PLOD2: variants seen among roughly 807,000 people sequenced by gnomAD.
PLOD2 encodes the protein lysine hydroxylase 2.
Under a neutral mutation model 101.0 loss-of-function variants are expected in PLOD2, and 65 were observed. The ratio of observed to expected loss-of-function variants is 0.64; its 90% CI spans 0.53 to 0.79. The LOEUF is 0.79. Among genes scored for constraint, PLOD2 ranks in the 30% least tolerant of loss-of-function variants. The pLI is 0.00. For synonymous variants in PLOD2, 314 were observed against 302.9 expected (o/e 1.04, Z -0.38); for missense variants, 909 against 914.6 (o/e 0.99, Z 0.08).
intron 13 of PLOD2, among the ~76,000 whole-genome samples, chr3:146,078,626 A>C (rs918738729): frequency 6.6e-6 from 1 of 151,908 alleles, no homozygotes; most frequent in Admixed American, 6.6e-5. Context: ...CACTTCTACT[A>C]GTTTGGTGGT....
At chr3:146,135,865 T>G (rs1361927875) in intron 1 of PLOD2, among the ~76,000 whole-genome samples, 1 of 152,044 alleles carries the variant, frequency 6.6e-6, no homozygotes, top group Non-Finnish European at 1.5e-5. Context: ...GGTAAAAATT[T>G]AAGCTGTTTC....
intron 3 of PLOD2, among the ~76,000 whole-genome samples, chr3:146,120,508 T>A (rs1008738579): frequency 6.6e-6 from 1 of 152,066 alleles, no homozygotes; most frequent in African/African-American, 2.4e-5. Flanking sequence ...CCTGAAACCA[T>A]AAAAGCCCTA....
intron 17 of PLOD2, 48 bp from the exon 18 acceptor site, chr3:146,071,471 C>T (rs780816975): frequency 1.3e-6 from 2 of 1,548,186 alleles, no homozygotes; most frequent in Non-Finnish European, 1.8e-6. Flanking sequence ...ACGTGCAATT[C>T]CCATTTATAT....
chr3:146,146,613 C>T (rs1042861270), intron 1 of PLOD2, among the ~76,000 whole-genome samples: 3 of 152,144 alleles, frequency 2.0e-5, no homozygotes, highest in Non-Finnish European at 4.4e-5. Flanking sequence ...GGTATAGTCA[C>T]TGCCTCATGG....
intron 1 of PLOD2, among the ~76,000 whole-genome samples, chr3:146,133,901 G>A (rs904302081): frequency 5.3e-5 from 8 of 152,128 alleles, no homozygotes; most frequent in African/African-American, 1.9e-4. Flanking sequence ...CAAGAGAAGT[G>A]ATGATTACAC....
Position 146,102,726 on chromosome 3 carries a change from T to C in PLOD2, c.777+29A>G, listed in dbSNP as rs376783418. The C allele has an allele frequency of 3.3e-5, 36 of 1,088,828 alleles. No individual in the cohort carries two copies. The African/African-American group carries it at 4.8e-4, about 14-fold the overall frequency. The allele number at this position is 1,088,828 out of a possible 1,614,324, so 67.4% of individuals were successfully genotyped here. A position where few individuals can be genotyped will look rare whatever the true frequency, so the allele number is the denominator to read the frequency against. On this transcript the variant is annotated intron_variant, in intron 7 of 19. Transcript: ENST00000282903. ...TCAATCCATAGTCTATCTCCAAGAA[T>C]TGGCCAAATAAAAGTAACTGTTACT...
At chr3:146,086,407 G>A (rs1273664719) in intron 10 of PLOD2, 1 of 158,082 alleles carries the variant, frequency 6.3e-6, no homozygotes, top group Non-Finnish European at 1.4e-5. Context: ...GAGAGTAAGA[G>A]CACCTGTTTC....
intron 3 of PLOD2, among the ~76,000 whole-genome samples, chr3:146,118,220 TAAC>T (rs777659800): frequency 1.3e-5 from 2 of 152,026 alleles, no homozygotes; most frequent in Non-Finnish European, 2.9e-5. Context: ...GTAAAAAAAA[TAAC>T]AAATGCTGTA....
At chr3:146,150,295 T>G (rs1196776985) in intron 1 of PLOD2, among the ~76,000 whole-genome samples, 1 of 152,214 alleles carries the variant, frequency 6.6e-6, no homozygotes, top group Non-Finnish European at 1.5e-5. Context: ...AAGTTGAATC[T>G]AGGTATTCTG....
At chr3:146,144,886 G>T (rs2031701460) in intron 1 of PLOD2, among the ~76,000 whole-genome samples, 1 of 151,960 alleles carries the variant, frequency 6.6e-6, no homozygotes, top group African/African-American at 2.4e-5. Context: ...GTTTTACATT[G>T]TTTACTAATT....
At chr3:146,105,415 C>T (rs1937519362) in intron 5 of PLOD2, among the ~76,000 whole-genome samples, 1 of 152,046 alleles carries the variant, frequency 6.6e-6, no homozygotes, top group African/African-American at 2.4e-5. Flanking sequence ...AGGATCACAC[C>T]CATCCTTACA....
chr3:146,132,374 T>G (rs1234946959), intron 1 of PLOD2, among the ~76,000 whole-genome samples: 1 of 152,116 alleles, frequency 6.6e-6, no homozygotes, highest in Non-Finnish European at 1.5e-5. Flanking sequence ...ATAGGAGTCA[T>G]GAAGTTAAAA....
chr3:146,086,162 G>A (rs957665909), intron 10 of PLOD2: 1 of 152,260 alleles, frequency 6.6e-6, no homozygotes, highest in Admixed American at 6.6e-5. Flanking sequence ...GCACAGGCAT[G>A]AGGGTTCGTA....
chr3:146,107,622 ATTTTTTTTTTTT>A (rs71158215), intron 4 of PLOD2, among the ~76,000 whole-genome samples: 1 of 68,870 alleles, frequency 1.5e-5, no homozygotes, highest in African/African-American at 5.8e-5. Flanking sequence ...TGCCATATAA[ATTTTTTTTTTTT>A]TTTTTTTTTT....
intron 7 of PLOD2, among the ~76,000 whole-genome samples, chr3:146,093,058 C>A (rs143752041): frequency 8.6e-5 from 13 of 152,012 alleles, no homozygotes; most frequent in Admixed American, 3.9e-4. Flanking sequence ...AAAAAATGTA[C>A]CAAAGTGTCA....
At chr3:146,129,472 A>C (rs1045081244) in intron 1 of PLOD2, among the ~76,000 whole-genome samples, 4 of 152,068 alleles carry the variant, frequency 2.6e-5, no homozygotes, top group African/African-American at 9.7e-5. Context: ...CAGCTCTATT[A>C]TTTCTTCTTG....
In PLOD2 at chr3:146,107,816, G is replaced by T. The variant is rs557598573; in HGVS notation, c.503-1172C>A. Among the ~76,000 whole-genome samples, 27 of 151,588 alleles carry T rather than the reference G, an allele frequency of 1.8e-4. No homozygotes were observed. In the South Asian group the frequency reaches 5.0e-3, roughly 28 times the overall value. ...CCATCACCATGCCCGACTAATTTTT[G>T]TATTTTTAGTAGAGATGGGGTTTCG... On this transcript the variant is annotated intron_variant, in intron 4 of 19. Transcript: ENST00000282903.
intron 1 of PLOD2, among the ~76,000 whole-genome samples, chr3:146,135,350 T>C (rs181385847): frequency 5.9e-5 from 9 of 152,318 alleles, no homozygotes; most frequent in African/African-American, 1.7e-4. Context: ...AAATGATGAT[T>C]TGATGAAGAC....
At chr3:146,149,944 G>C (rs10935605) in intron 1 of PLOD2, among the ~76,000 whole-genome samples, 47,658 of 151,774 alleles carry the variant, frequency 0.31, 7,849 homozygotes, top group South Asian at 0.41. Context: ...AAAAAAAGCA[G>C]TGCACACCAC....
Sources: allele counts gnomAD v4.1 joint callset (sites outside exome capture counted in the v4.1 genomes callset), GRCh38; gene constraint gnomAD v4.1.1; transcripts MANE v1.5; gene names NCBI Gene and HGNC (gene_info 2026-07-23, HGNC 2026-07-21).